Variants in XKR4 observed in about 807,000 individuals in gnomAD.
XKR4 encodes the protein XK-related protein 4.
A neutral mutation model predicts 53.9 loss-of-function variants in XKR4; 12 were observed. The ratio of observed to expected loss-of-function variants is 0.22; its 90% confidence interval spans 0.14 to 0.36. XKR4 has a LOEUF of 0.36. XKR4 is among the 10% of genes least tolerant of loss of function. XKR4 has a pLI of 1.00. For missense variants in XKR4, 799 were observed against 859.5 expected, an observed-to-expected ratio of 0.93 and a Z score of 0.88; for synonymous variants, 354 against 362.4, an observed-to-expected ratio of 0.98 and a Z score of 0.26.
At chr8:55,190,955 T>C (rs1217654111) in intron 1 of XKR4, among the ~76,000 whole-genome samples, 1 of 152,226 alleles carries the variant, frequency 6.6e-6, no homozygotes, top group Non-Finnish European at 1.5e-5. Flanking sequence ...TTGCTGATAA[T>C]GCCAACCTTT....
chr8:55,305,504 AC>A (rs1327388262), intron 1 of XKR4, among the ~76,000 whole-genome samples: 9 of 151,922 alleles, frequency 5.9e-5, no homozygotes, highest in African/African-American at 2.2e-4. Context: ...CAAATACTGG[AC>A]TGGAAGGCAG....
chr8:55,107,177 A>G (rs1816162504), intron 1 of XKR4, among the ~76,000 whole-genome samples: 2 of 152,156 alleles, frequency 1.3e-5, no homozygotes, highest in African/African-American at 2.4e-5. Flanking sequence ...TGTCATCTAC[A>G]TTTTAAAATA....
intron 1 of XKR4, among the ~76,000 whole-genome samples, chr8:55,128,348 C>T (rs1302300764): frequency 1.3e-5 from 2 of 152,214 alleles, no homozygotes; most frequent in African/African-American, 4.8e-5. Flanking sequence ...GGCCAGTGCT[C>T]TACTAGAACT....
rs1312264185 is a variant in XKR4, at chr8:55,524,986, C to T, written c.*759C>T. On this transcript the variant is annotated 3_prime_UTR_variant, in exon 3 of 3. Coordinates refer to ENST00000327381, the MANE Select transcript of XKR4 (RefSeq NM_052898.2). ...TCAACAAGACCAAGGAGCTCAATAACTTCATGATGTAAATTAAATAGTAAT... is the reference window on the plus strand; with the variant it reads ...TCAACAAGACCAAGGAGCTCAATAATTTCATGATGTAAATTAAATAGTAAT... The T allele has an allele frequency of 6.6e-6, 1 of 152,600 alleles. No individual in the cohort carries two copies. The highest frequency in any genetic ancestry group is 1.5e-5 in the Non-Finnish European group (1 of 68,042). 9.5% of individuals were successfully genotyped at this position (152,600 alleles called of 1,614,324 possible).
At chr8:55,242,596 TGA>T (rs1818225606) in intron 1 of XKR4, among the ~76,000 whole-genome samples, 2 of 152,216 alleles carry the variant, frequency 1.3e-5, no homozygotes, top group Admixed American at 6.5e-5. Flanking sequence ...GAATAATTGA[TGA>T]GATGCCATTA....
intron 1 of XKR4, among the ~76,000 whole-genome samples, chr8:55,349,265 T>G (rs1803693035): frequency 6.6e-6 from 1 of 152,218 alleles, no homozygotes; most frequent in South Asian, 2.1e-4. Context: ...CCTTAACCTC[T>G]GCACCTATTG....
At chr8:55,478,915 A>C (rs1255546488) in intron 2 of XKR4, among the ~76,000 whole-genome samples, 14 of 151,928 alleles carry the variant, frequency 9.2e-5, no homozygotes, top group South Asian at 2.1e-4. Flanking sequence ...CCTTAGTGAC[A>C]TACAAAGAGA....
At chr8:55,320,983 G>A (rs1464289242) in intron 1 of XKR4, among the ~76,000 whole-genome samples, 1 of 151,888 alleles carries the variant, frequency 6.6e-6, no homozygotes, top group East Asian at 1.9e-4. Context: ...ATCCTTCTTT[G>A]CATAGAAGAG....
chr8:55,217,412 G>C (rs1434784454), intron 1 of XKR4, among the ~76,000 whole-genome samples: 1 of 152,154 alleles, frequency 6.6e-6, no homozygotes, highest in Non-Finnish European at 1.5e-5. Context: ...TAAGAAGTCT[G>C]ATAATACTGA....
At chr8:55,324,223 G>T (rs1288229778) in intron 1 of XKR4, among the ~76,000 whole-genome samples, 1 of 152,092 alleles carries the variant, frequency 6.6e-6, no homozygotes, top group African/African-American at 2.4e-5. Flanking sequence ...AGCCTCATGA[G>T]TAGCTGGGCC....
chr8:55,304,594 G>C (rs1267141027), intron 1 of XKR4, among the ~76,000 whole-genome samples: 1 of 152,118 alleles, frequency 6.6e-6, no homozygotes, highest in Non-Finnish European at 1.5e-5. Context: ...GTTGACAGTG[G>C]GGTGTTAAAG....
chr8:55,318,336 AG>A (rs1457007273), intron 1 of XKR4, among the ~76,000 whole-genome samples: 1 of 152,212 alleles, frequency 6.6e-6, no homozygotes, highest in Admixed American at 6.5e-5. Context: ...GTTGTTATGG[AG>A]TATTATAAAA....
Position 55,240,169 on chromosome 8 carries a change from T to A in XKR4, c.807-117509T>A, listed in dbSNP as rs150985862. Among the ~76,000 whole-genome samples, 345 of 152,328 alleles carry A rather than the reference T, an allele frequency of 2.3e-3. 1 individual carries two copies. The highest frequency in any genetic ancestry group is 7.8e-3 in the African/African-American group (323 of 41,580). ...AGGCAACTTTGAACTGAATTAATCA[T>A]ATCCTTTTCTAACAATGAATTCTCA... On this transcript the variant is annotated intron_variant, in intron 1 of 2. Transcript: ENST00000327381.
intron 2 of XKR4, among the ~76,000 whole-genome samples, chr8:55,494,576 G>A (rs1806315369): frequency 6.6e-6 from 1 of 152,172 alleles, no homozygotes; most frequent in Non-Finnish European, 1.5e-5. Context: ...GAGACCCAAA[G>A]TGGGTAGCTC....
intron 2 of XKR4, among the ~76,000 whole-genome samples, chr8:55,435,854 A>G (rs749071728): frequency 6.6e-6 from 1 of 152,074 alleles, no homozygotes; most frequent in Non-Finnish European, 1.5e-5. Flanking sequence ...AGTAACTTCA[A>G]TCTAATCAAA....
At chr8:55,395,219 A>G (rs1298639353) in intron 2 of XKR4, among the ~76,000 whole-genome samples, 1 of 152,100 alleles carries the variant, frequency 6.6e-6, no homozygotes, top group Non-Finnish European at 1.5e-5. Flanking sequence ...AACTCCTCAA[A>G]TAATTGTGAC....
chr8:55,146,453 TTTCCACTGCAGAACTTTC>T (rs1181059142), intron 1 of XKR4, among the ~76,000 whole-genome samples: 1 of 152,256 alleles, frequency 6.6e-6, no homozygotes, highest in Non-Finnish European at 1.5e-5. Flanking sequence ...AGAAGAGTGC[TTTCCACTGCAGAACTTTC>T]TGCAGTGATA....
At chr8:55,315,086 G>A (rs1819451902) in intron 1 of XKR4, among the ~76,000 whole-genome samples, 1 of 152,218 alleles carries the variant, frequency 6.6e-6, no homozygotes, top group South Asian at 2.1e-4. Flanking sequence ...TCAAGTGAGA[G>A]AGCAGGTCCA....
At chr8:55,442,734 G>A (rs1000714029) in intron 2 of XKR4, among the ~76,000 whole-genome samples, 2 of 152,172 alleles carry the variant, frequency 1.3e-5, no homozygotes, top group Non-Finnish European at 2.9e-5. Context: ...AATATCAAAC[G>A]TTATATGATT....
Sources: gnomAD v4.1 joint callset for allele counts (sites outside exome capture counted in the v4.1 genomes callset) on GRCh38, gnomAD v4.1.1 for gene constraint, MANE v1.5 for transcripts, NCBI Gene and HGNC (gene_info 2026-07-23, HGNC 2026-07-21) for gene names.